The following SYNJ1 variants were observed in gnomAD, a reference collection of about 807,000 sequenced individuals.
SYNJ1 encodes synaptojanin 1, also known as polyphosphatidylinositol phosphatase SYNJ1.
In SYNJ1, 78 loss-of-function variants were observed where a neutral mutation model predicts 168.2. The ratio of observed to expected loss-of-function variants is 0.46; its 90% CI spans 0.39 to 0.56. The LOEUF is 0.56. SYNJ1 is among the 20% of genes least tolerant of loss of function. The pLI, the probability that SYNJ1 is intolerant of heterozygous loss-of-function variation, is 0.00. For missense variants in SYNJ1, 1,303 were observed against 1,597.6 expected (o/e 0.82, Z 3.14); for synonymous variants, 539 against 548.6 (o/e 0.98, Z 0.24).
chr21:32,670,794 A>C, intron 14 of SYNJ1: 1 of 985,110 alleles, frequency 1.0e-6, no homozygotes, highest in South Asian at 4.7e-5. Flanking sequence ...AATTTTTCAC[A>C]TTCATATTTG....
intron 13 of SYNJ1, 125 bp from the exon 14 acceptor site, chr21:32,673,656 A>G: frequency 1.3e-6 from 1 of 786,538 alleles, no homozygotes; most frequent in South Asian, 3.1e-5. Flanking sequence ...AACAAGCAAA[A>G]GATACAGGCA....
intron 14 of SYNJ1, among the ~76,000 whole-genome samples, chr21:32,671,632 A>C (rs1029687688): frequency 1.3e-5 from 2 of 152,220 alleles, no homozygotes; most frequent in Non-Finnish European, 2.9e-5. Flanking sequence ...AATTGGAATA[A>C]TGGTGTCTAT....
At chr21:32,636,685 ACTC>A (rs2039580542) in intron 31 of SYNJ1, among the ~76,000 whole-genome samples, 1 of 151,498 alleles carries the variant, frequency 6.6e-6, no homozygotes. Flanking sequence ...AGATAGAAAG[ACTC>A]CTCCTCACCT....
chr21:32,657,300 TATC>T (rs1025865104), intron 19 of SYNJ1, among the ~76,000 whole-genome samples, 180 bp from the exon 20 acceptor site: 7 of 152,248 alleles, frequency 4.6e-5, no homozygotes, highest in African/African-American at 1.7e-4. Context: ...TTGGTAAAGT[TATC>T]ATTTTATGCT....
chr21:32,665,378 A>G (rs991376615), intron 17 of SYNJ1, among the ~76,000 whole-genome samples: 1 of 152,244 alleles, frequency 6.6e-6, no homozygotes, highest in Non-Finnish European at 1.5e-5. Context: ...TTGTGGACAA[A>G]GTATAGACTG....
intron 12 of SYNJ1, among the ~76,000 whole-genome samples, chr21:32,677,011 G>A (rs2041438735): frequency 6.6e-6 from 1 of 152,146 alleles, no homozygotes; most frequent in African/African-American, 2.4e-5. Flanking sequence ...CATTAATAAG[G>A]CACTTCATCT....
chr21:32,703,368 T>C (rs1040857654), intron 2 of SYNJ1, among the ~76,000 whole-genome samples: 1 of 152,232 alleles, frequency 6.6e-6, no homozygotes, highest in African/African-American at 2.4e-5. Flanking sequence ...CATCTTATGT[T>C]TATCCAACAG....
intron 21 of SYNJ1, 55 bp downstream of exon 21, chr21:32,656,632 T>C (rs771015644): frequency 3.2e-5 from 47 of 1,456,824 alleles, no homozygotes; most frequent in Non-Finnish European, 4.1e-5. Context: ...GTGATTTCTA[T>C]ATAGAAATGA....
chr21:32,728,291 G>C, upstream of SYNJ1: 1 of 461,510 alleles, frequency 2.2e-6, no homozygotes, highest in Non-Finnish European at 3.8e-6. Flanking sequence ...GAGCGTGAGC[G>C]CCGGGGAGGG....
chr21:32,631,514 G>C lies in SYNJ1; in HGVS notation c.*291C>G, dbSNP rs547065189. The C allele has an allele frequency of 5.1e-5, 82 of 1,614,030 alleles. No individual in the cohort carries two copies. The South Asian group carries it at 7.7e-4, about 15-fold the overall frequency. ...TCCTGTCACTGAAAGGATTTGTCCT[G>C]GTCAAGCCAGTAATAAATGGGTTTG... On this transcript the variant is annotated 3_prime_UTR_variant, in exon 33 of 33. Transcript: ENST00000674351.
chr21:32,701,287 T>C lies in SYNJ1; in HGVS notation c.211+674A>G, dbSNP rs544882174. 6.7e-4 allele frequency among the ~76,000 whole-genome samples: 102 copies of C among 152,260 alleles called. 1 individual carries two copies. The highest frequency in any genetic ancestry group is 2.3e-3 in the African/African-American group (95 of 41,550). On this transcript the variant is annotated intron_variant, in intron 3 of 32. Transcript: ENST00000674351. The stretch of plus-strand genomic sequence containing the variant: ...ACCAGCTCACAATGAGAAAGGACAC[T>C]TACACCAGAATGGAAATCAACTATA...
At chr21:32,657,604 T>G (rs2040509512) in intron 19 of SYNJ1, 112 bp downstream of exon 19, 2 of 957,780 alleles carry the variant, frequency 2.1e-6, no homozygotes, top group African/African-American at 3.4e-5. Flanking sequence ...TTTATTCTAT[T>G]CCAGTTAATG....
At chr21:32,714,866 T>C (rs1025747861) in intron 2 of SYNJ1, among the ~76,000 whole-genome samples, 1 of 152,186 alleles carries the variant, frequency 6.6e-6, no homozygotes, top group African/African-American at 2.4e-5. Flanking sequence ...AAACACTCAA[T>C]CCGGTGCAAG....
At chr21:32,694,453 C>A (rs1292442700) in intron 5 of SYNJ1, 142 bp from the exon 6 acceptor site, 3 of 568,618 alleles carry the variant, frequency 5.3e-6, no homozygotes, top group Admixed American at 4.3e-5. Flanking sequence ...CAAAACAGGC[C>A]ACTATACAGG....
intron 18 of SYNJ1, among the ~76,000 whole-genome samples, chr21:32,659,912 A>G (rs958805784): frequency 1.3e-5 from 2 of 152,212 alleles, no homozygotes; most frequent in African/African-American, 4.8e-5. Context: ...CCTGTGGCAC[A>G]TCCCTGTGGG....
At chr21:32,657,997 G>T in intron 18 of SYNJ1, 125 bp from the exon 19 acceptor site, 1 of 684,562 alleles carries the variant, frequency 1.5e-6, no homozygotes, top group Non-Finnish European at 2.5e-6. Context: ...GTATGCGTCT[G>T]ATGAACACTT....
chr21:32,666,183 C>T, intron 16 of SYNJ1, 48 bp from the exon 17 acceptor site: 1 of 1,554,794 alleles, frequency 6.4e-7, no homozygotes, highest in Non-Finnish European at 8.7e-7. Flanking sequence ...TTCAAGAGTT[C>T]CATGTGCATA....
At chr21:32,727,175 G>T (rs2043496540) in intron 1 of SYNJ1, among the ~76,000 whole-genome samples, 1 of 152,162 alleles carries the variant, frequency 6.6e-6, no homozygotes, top group South Asian at 2.1e-4. Flanking sequence ...TCAACGGTCT[G>T]GTTGAGTTTC....
rs777815557 is a variant in SYNJ1 at position 32,656,722 on chromosome 21, C to G, written c.2760G>C (p.Gln920His). The G allele has an allele frequency of 4.3e-6, 7 of 1,613,918 alleles. No individual in the cohort carries two copies. The highest frequency in any genetic ancestry group is 5.9e-6 in the Non-Finnish European group (7 of 1,179,960). Reference protein sequence around the residue: ...FDDALIDELLQQFASFGEVIL... With the variant: ...FDDALIDELLHQFASFGEVIL... ...TAACTTCACCAAAACTTGCAAACTG[C>G]TGCAGAAGCTCATCAATCAAGGCAT... The change falls in exon 21 of 33, where the codon CAG becomes CAC. Residue 920 changes from glutamine (Q) to histidine (H), a missense_variant. Physicochemically the swap from Gln to His is conservative, Grantham distance 24. This residue lies in a region of SYNJ1 where 920 missense variants were observed against 1,208.8 expected (regional missense o/e 0.76). Coordinates refer to ENST00000674351, the MANE Select transcript of SYNJ1 (RefSeq NM_203446.3).
Sources: allele counts gnomAD v4.1 joint callset (sites outside exome capture counted in the v4.1 genomes callset), GRCh38; gene constraint gnomAD v4.1.1; regional missense constraint gnomAD v4.1.1; transcripts MANE v1.5; gene names NCBI Gene and HGNC (gene_info 2026-07-23, HGNC 2026-07-21).